ANAPC10: variants seen among roughly 807,000 people sequenced by gnomAD.
ANAPC10 encodes anaphase promoting complex subunit 10, also known as anaphase-promoting complex subunit 10.
In ANAPC10, 12 loss-of-function variants were observed where a neutral mutation model predicts 22.0. The observed-to-expected ratio is 0.55, with a 90% CI of 0.35 to 0.88. The LOEUF (loss-of-function observed/expected upper bound fraction) is 0.88, where lower values mean the gene tolerates loss of function less well. ANAPC10 is among the 40% of genes least tolerant of loss of function. The probability of loss-of-function intolerance (pLI) is 0.01; values close to 1 mark genes in which losing one functional copy is unlikely to be tolerated. For missense variants in ANAPC10, 188 were observed against 220.9 expected (o/e 0.85, Z 0.94); for synonymous variants, 65 against 69.5 (o/e 0.94, Z 0.32).
In ANAPC10 at chr4:144,995,419, G is replaced by A. The variant is rs1731464891; in HGVS notation, c.512C>T (p.Pro171Leu). ...PVEESSIGKFPRCTTIDFMMY... is the reference protein window; with the variant it reads ...PVEESSIGKFLRCTTIDFMMY... ...CATGAAATCTATAGTTGTACATCTA[G>A]GAAATTTACCAATGGAGCTCTCTTC... The change falls in exon 5 of 5, where the codon CCT becomes CTT. Residue 171 changes from proline (P) to leucine (L), a missense_variant. By Grantham distance (98) the Pro-to-Leu change is moderately conservative (BLOSUM62 -3). Coordinates refer to ENST00000507656, the MANE Select transcript of ANAPC10 (RefSeq NM_001256706.2). 1.2e-6 allele frequency: 2 copies of A among 1,613,500 alleles called. No homozygotes were observed. Among genetic ancestry groups the A allele is most frequent in the Non-Finnish European group, 1.7e-6 (2 of 1,179,670 alleles).
intron 4 of ANAPC10, among the ~76,000 whole-genome samples, chr4:145,023,610 T>G (rs1736260993): frequency 2.0e-5 from 3 of 152,158 alleles, no homozygotes; most frequent in South Asian, 4.1e-4. Context: ...ATAAAAGCTG[T>G]GTTACACTAT....
At position 145,025,335 on chromosome 4, in the gene ANAPC10, C is replaced by G. The variant is rs916297335; in HGVS notation, c.328-29732G>C. Among the ~76,000 whole-genome samples the G allele has an allele frequency of 5.7e-5, 7 of 122,562 alleles. No homozygotes were observed. The South Asian group carries it at 1.2e-3, about 21-fold the overall frequency. The allele number at this position is 122,562 out of a possible 152,430, so 80.4% of individuals were successfully genotyped here. On this transcript the variant is annotated intron_variant, in intron 4 of 4. Transcript: ENST00000507656. ...GGCCTATTTTGGCTTTCAACACGCC[C>G]CCCCCCCCTTTTAAGCTCAGTCCTT...
chr4:145,077,511 A>T (rs538015591), intron 3 of ANAPC10, among the ~76,000 whole-genome samples: 5 of 152,256 alleles, frequency 3.3e-5, no homozygotes, highest in African/African-American at 9.6e-5. Context: ...TTCCTCCCTA[A>T]CTCATTCTAT....
At chr4:145,066,756 T>A (rs754553782) in intron 3 of ANAPC10, among the ~76,000 whole-genome samples, 4 of 128,510 alleles carry the variant, frequency 3.1e-5, no homozygotes, top group Non-Finnish European at 6.5e-5. Flanking sequence ...TAGGAACTTT[T>A]ATTTCTTCAT....
At chr4:145,064,781 T>G (rs938598382) in intron 3 of ANAPC10, 89 bp from the exon 4 acceptor site, 40 of 1,157,260 alleles carry the variant, frequency 3.5e-5, no homozygotes, top group Admixed American at 5.1e-5. Context: ...AAATCATAGT[T>G]TGCTAAAAGG....
At chr4:145,014,623 G>A (rs1273415607) in intron 4 of ANAPC10, among the ~76,000 whole-genome samples, 3 of 152,070 alleles carry the variant, frequency 2.0e-5, no homozygotes, top group African/African-American at 7.3e-5. Context: ...CTCCTGGCAG[G>A]ACAACCAGCA....
At chr4:145,064,084 T>C (rs1157938123) in intron 4 of ANAPC10, 1 of 152,106 alleles carries the variant, frequency 6.6e-6, no homozygotes, top group South Asian at 2.1e-4. Flanking sequence ...TATGTGTTTG[T>C]CAAAACTCAC....
intron 4 of ANAPC10, among the ~76,000 whole-genome samples, chr4:145,014,719 G>A (rs1357565878): frequency 6.6e-6 from 1 of 152,140 alleles, no homozygotes; most frequent in East Asian, 1.9e-4. Flanking sequence ...ATAGGTGCTG[G>A]TATCCATGGC....
At chr4:145,055,055 GAACT>G (rs1262791347) in intron 4 of ANAPC10, among the ~76,000 whole-genome samples, 14 of 151,936 alleles carry the variant, frequency 9.2e-5, no homozygotes, top group African/African-American at 1.2e-4. Context: ...ATTAAAAATA[GAACT>G]AACTTGTAAT....
chr4:145,071,195 T>C (rs950563871), intron 3 of ANAPC10, among the ~76,000 whole-genome samples: 2 of 152,110 alleles, frequency 1.3e-5, no homozygotes, highest in Non-Finnish European at 2.9e-5. Flanking sequence ...GCACCTGAAG[T>C]TGGGATTTCG....
intron 4 of ANAPC10, among the ~76,000 whole-genome samples, chr4:145,008,419 T>C (rs905061245): frequency 1.3e-5 from 2 of 152,136 alleles, no homozygotes; most frequent in Non-Finnish European, 2.9e-5. Flanking sequence ...CTGATGAACA[T>C]CGGTGCAAAA....
At chr4:145,075,390 T>C (rs1745046080) in intron 3 of ANAPC10, among the ~76,000 whole-genome samples, 2 of 152,042 alleles carry the variant, frequency 1.3e-5, no homozygotes, top group African/African-American at 2.4e-5. Flanking sequence ...TTAGCAACCA[T>C]CTTAAATAAA....
chr4:145,019,262 A>T (rs1735643970), intron 4 of ANAPC10, among the ~76,000 whole-genome samples: 1 of 152,230 alleles, frequency 6.6e-6, no homozygotes, highest in African/African-American at 2.4e-5. Flanking sequence ...CTCAGACCAC[A>T]GTGGAATAAA....
At chr4:145,054,636 T>TGC (rs1741712157) in intron 4 of ANAPC10, among the ~76,000 whole-genome samples, 3 of 100,772 alleles carry the variant, frequency 3.0e-5, no homozygotes, top group African/African-American at 1.4e-4. Flanking sequence ...TGTGTGTGTG[T>TGC]GTGTGCGCGC....
chr4:145,012,908 G>A (rs1485354704), intron 4 of ANAPC10, among the ~76,000 whole-genome samples: 1 of 152,154 alleles, frequency 6.6e-6, no homozygotes, highest in Non-Finnish European at 1.5e-5. Context: ...GGATCATGGT[G>A]ATGGATTTCC....
intron 4 of ANAPC10, among the ~76,000 whole-genome samples, chr4:145,002,437 T>C (rs936749023): frequency 6.6e-6 from 1 of 151,576 alleles, no homozygotes; most frequent in African/African-American, 2.4e-5. Flanking sequence ...CTGCTAAACA[T>C]GGTCAAATCA....
chr4:145,088,286 T>C (rs1380834317), intron 2 of ANAPC10, among the ~76,000 whole-genome samples: 4 of 152,172 alleles, frequency 2.6e-5, no homozygotes, highest in Non-Finnish European at 4.4e-5. Context: ...TCCAGTTCCC[T>C]TAGAATATCA....
chr4:145,001,343 T>G (rs1732538839), intron 4 of ANAPC10, among the ~76,000 whole-genome samples: 2 of 152,078 alleles, frequency 1.3e-5, no homozygotes, highest in African/African-American at 2.4e-5. Flanking sequence ...GACATTATTC[T>G]AAGTGAAATA....
chr4:145,081,091 C>T (rs934333485), intron 3 of ANAPC10, among the ~76,000 whole-genome samples: 2 of 151,720 alleles, frequency 1.3e-5, no homozygotes, highest in African/African-American at 4.8e-5. Flanking sequence ...GCCAACATAG[C>T]GGCCAACTGT....
Sources: allele counts gnomAD v4.1 joint callset (sites outside exome capture counted in the v4.1 genomes callset), GRCh38; gene constraint gnomAD v4.1.1; transcripts MANE v1.5; gene names NCBI Gene and HGNC (gene_info 2026-07-23, HGNC 2026-07-21).